ATF7IP: variants seen among roughly 807,000 people sequenced by gnomAD.
ATF7IP encodes activating transcription factor 7 interacting protein.
In ATF7IP, 23 loss-of-function variants were observed where a neutral mutation model predicts 106.4. The observed-to-expected ratio is 0.22, with a 90% CI of 0.16 to 0.31. The LOEUF is 0.31. Among genes scored for constraint, ATF7IP ranks in the 10% least tolerant of loss-of-function variants. ATF7IP has a pLI of 1.00. For missense variants in ATF7IP, 1,334 were observed against 1,524.3 expected (o/e 0.88, Z 2.08); for synonymous variants, 542 against 539.0 (o/e 1.01, Z -0.08).
intron 1 of ATF7IP, among the ~76,000 whole-genome samples, chr12:14,417,277 A>G (rs984451386): frequency 1.3e-5 from 2 of 152,196 alleles, no homozygotes; most frequent in Non-Finnish European, 2.9e-5. Flanking sequence ...TTGTACTTAT[A>G]CCACTTAATA....
intron 1 of ATF7IP, among the ~76,000 whole-genome samples, chr12:14,388,671 G>A (rs1177712750): frequency 6.6e-6 from 1 of 152,072 alleles, no homozygotes; most frequent in African/African-American, 2.4e-5. Context: ...ACTGGAGACA[G>A]AGTCTCACTC....
intron 13 of ATF7IP, 107 bp from the exon 14 acceptor site, chr12:14,496,124 C>A: frequency 2.9e-6 from 2 of 693,352 alleles, no homozygotes; most frequent in Non-Finnish European, 4.9e-6. Flanking sequence ...TCTTTCCTTT[C>A]GAATCTTGAA....
chr12:14,438,294 C>T (rs760598673), intron 5 of ATF7IP, 27 bp downstream of exon 5: 17 of 1,550,872 alleles, frequency 1.1e-5, no homozygotes, highest in African/African-American at 4.1e-5. Context: ...GAGTTGTATA[C>T]TCCATGTGTC....
chr12:14,445,115 C>T (rs765539851), intron 5 of ATF7IP, among the ~76,000 whole-genome samples: 6 of 151,422 alleles, frequency 4.0e-5, no homozygotes, highest in Non-Finnish European at 7.4e-5. Context: ...CTCAGCCTCC[C>T]GAAGAGCTGG....
chr12:14,386,103 T>G (rs1442826324), intron 1 of ATF7IP, among the ~76,000 whole-genome samples: 1 of 152,196 alleles, frequency 6.6e-6, no homozygotes, highest in African/African-American at 2.4e-5. Context: ...ATCTAATGTA[T>G]TCAAATACCA....
chr12:14,448,615 A>G (rs1053062687), intron 6 of ATF7IP, among the ~76,000 whole-genome samples: 1 of 152,162 alleles, frequency 6.6e-6, no homozygotes, highest in Non-Finnish European at 1.5e-5. Flanking sequence ...TGCAATGTAC[A>G]TGGGAGTGCA....
At chr12:14,496,124 C>T (rs945440796) in intron 13 of ATF7IP, 107 bp from the exon 14 acceptor site, 20 of 693,234 alleles carry the variant, frequency 2.9e-5, no homozygotes, top group Admixed American at 2.4e-4. Flanking sequence ...TCTTTCCTTT[C>T]GAATCTTGAA....
chr12:14,403,351 A>G lies in ATF7IP; in HGVS notation c.-7-20558A>G, dbSNP rs1257257207. 2.8e-4 allele frequency among the ~76,000 whole-genome samples: 42 copies of G among 151,864 alleles called. 1 individual carries two copies. The highest frequency in any genetic ancestry group is 4.4e-5 in the Non-Finnish European group (3 of 67,914). On this transcript the variant is annotated intron_variant, in intron 1 of 14. Transcript: ENST00000261168. ...AGTTTAGGATAGAGATGTTAATCTC[A>G]TCTTTTAGTAGTTAACCAGGAATAT...
intron 10 of ATF7IP, among the ~76,000 whole-genome samples, chr12:14,474,216 A>G (rs1425214932): frequency 1.3e-5 from 2 of 151,602 alleles, no homozygotes; most frequent in Admixed American, 1.3e-4. Flanking sequence ...GAAAATTTCT[A>G]TTGATCTAGC....
In ATF7IP at chr12:14,473,286, C is replaced by CTATG. The variant is rs766915991; in HGVS notation, c.2863-2603_2863-2602insATGT. ...TAGCTTTTTAGCGCGCTCTCTCTCT[C>CTATG]TCTCTGTGTGTGTGTGTGTGTGTGT... On this transcript the variant is annotated intron_variant, in intron 10 of 14. Transcript: ENST00000261168. 8.1e-3 allele frequency among the ~76,000 whole-genome samples: 433 copies of CTATG among 53,730 alleles called. 3 individuals carry two copies. The highest frequency in any genetic ancestry group is 0.046 in the African/African-American group (385 of 8,390). The allele number at this position is 53,730 out of a possible 152,430, so 35.2% of individuals were successfully genotyped here.
chr12:14,477,807 A>G (rs1565546348), intron 11 of ATF7IP, among the ~76,000 whole-genome samples: 2 of 152,180 alleles, frequency 1.3e-5, no homozygotes, highest in African/African-American at 2.4e-5. Flanking sequence ...TGAGATGCAA[A>G]TATTTATTTC....
chr12:14,406,277 T>A (rs898414760), intron 1 of ATF7IP, among the ~76,000 whole-genome samples: 1 of 152,114 alleles, frequency 6.6e-6, no homozygotes, highest in Non-Finnish European at 1.5e-5. Context: ...TGCTGTATTT[T>A]TAGTAGAGTT....
At chr12:14,487,897 G>A (rs999378255) in intron 13 of ATF7IP, among the ~76,000 whole-genome samples, 6 of 152,158 alleles carry the variant, frequency 3.9e-5, no homozygotes, top group Non-Finnish European at 7.3e-5. Context: ...CCAAGGTATC[G>A]TGTATAGAGT....
chr12:14,485,970 C>T (rs952722940), intron 13 of ATF7IP, among the ~76,000 whole-genome samples: 1 of 152,210 alleles, frequency 6.6e-6, no homozygotes, highest in Non-Finnish European at 1.5e-5. Context: ...TCCTCAGTAC[C>T]TCCAGGTATG....
chr12:14,454,089 C>T (rs1369110591), intron 6 of ATF7IP, among the ~76,000 whole-genome samples: 1 of 152,206 alleles, frequency 6.6e-6, no homozygotes, highest in Non-Finnish European at 1.5e-5. Context: ...AAAACAGCCA[C>T]ATCTCCCAGT....
At chr12:14,422,799 T>C (rs2136544159) in intron 1 of ATF7IP, among the ~76,000 whole-genome samples, 1 of 152,318 alleles carries the variant, frequency 6.6e-6, no homozygotes, top group East Asian at 1.9e-4. Context: ...CATTCATCAG[T>C]TATGGAACAT....
rs1165452281 is a variant in ATF7IP at position 14,425,351 on chromosome 12, C to A, written c.1436C>A (p.Ser479Tyr). 1 of 1,613,066 alleles carries A rather than the reference C, an allele frequency of 6.2e-7. No homozygotes were observed. Among genetic ancestry groups the A allele is most frequent in the South Asian group, 1.1e-5 (1 of 90,762 alleles). The change falls in exon 2 of 15, where the codon TCT (serine) becomes TAT (tyrosine). Residue 479 changes from serine (S) to tyrosine (Y), a missense_variant. By Grantham distance (144) the Ser-to-Tyr change is moderately radical. Around this residue, in one of 10 missense-constraint regions of ATF7IP, gnomAD observed 41 missense variants for 60.4 expected, o/e 0.68. Coordinates refer to ENST00000261168, the MANE Select transcript of ATF7IP (RefSeq NM_018179.5). Reference sequence around the variant, plus strand: ...ATGGAAAGTTCTTTTGGTTCACCATCTAAACAAGAAAGTAGTGAGAGTTTG... The same window carrying A: ...ATGGAAAGTTCTTTTGGTTCACCATATAAACAAGAAAGTAGTGAGAGTTTG... ...EKMESSFGSPSKQESSESLPK... is the reference protein window; with the variant it reads ...EKMESSFGSPYKQESSESLPK...
chr12:14,494,081 C>A (rs1357705245), intron 13 of ATF7IP, among the ~76,000 whole-genome samples: 1 of 151,532 alleles, frequency 6.6e-6, no homozygotes, highest in Non-Finnish European at 1.5e-5. Flanking sequence ...ACCCTCTAAA[C>A]AGTTCACACC....
intron 6 of ATF7IP, among the ~76,000 whole-genome samples, chr12:14,447,265 TTTAGG>T (rs1489300398): frequency 6.7e-6 from 1 of 149,216 alleles, no homozygotes; most frequent in African/African-American, 2.5e-5. Flanking sequence ...TATATTCTAT[TTTAGG>T]TTATGCAATT....
Sources: allele counts gnomAD v4.1 joint callset (sites outside exome capture counted in the v4.1 genomes callset), GRCh38; gene constraint gnomAD v4.1.1; regional missense constraint gnomAD v4.1.1; transcripts MANE v1.5; gene names NCBI Gene and HGNC (gene_info 2026-07-23, HGNC 2026-07-21).